CC2D2B: variants seen among roughly 807,000 people sequenced by gnomAD.
CC2D2B encodes coiled-coil and C2 domain containing 2B, also known as protein CC2D2B.
A neutral mutation model predicts 161.2 loss-of-function variants in CC2D2B; 128 were observed. The observed-to-expected ratio is 0.79, with a 90% CI of 0.69 to 0.92. The LOEUF is 0.92. Among genes scored for constraint, CC2D2B ranks in the 40% least tolerant of loss-of-function variants. CC2D2B has a pLI of 0.00. For synonymous variants in CC2D2B, 391 were observed against 449.8 expected, an observed-to-expected ratio of 0.87 and a Z score of 1.65; for missense variants, 1,173 against 1,375.1, an observed-to-expected ratio of 0.85 and a Z score of 2.32.
At chr10:95,918,278 T>G (rs2098520320) in intron 2 of CC2D2B, among the ~76,000 whole-genome samples, 1 of 152,232 alleles carries the variant, frequency 6.6e-6, no homozygotes. Flanking sequence ...GAAGTCCCTT[T>G]AACATTTCTT....
Position 96,017,366 on chromosome 10 carries a change from T to A in CC2D2B, c.3630+1052T>A, listed in dbSNP as rs2079249528. Among the ~76,000 whole-genome samples the A allele has an allele frequency of 4.6e-5, 7 of 152,326 alleles. No individual in the cohort carries two copies. In the South Asian group the frequency reaches 1.4e-3, roughly 32 times the overall value. The stretch of plus-strand genomic sequence containing the variant: ...TTAATAGAAGTTCATTCCCTCTATA[T>A]GATCTCCTGCCGTAGTTGTAAGTGC... On this transcript the variant is annotated intron_variant, in intron 30 of 34. Transcript: ENST00000646931.
chr10:96,030,768 G>A (rs931914776), intron 34 of CC2D2B, among the ~76,000 whole-genome samples: 1 of 152,104 alleles, frequency 6.6e-6, no homozygotes, highest in African/African-American at 2.4e-5. Context: ...GTAGAATTAG[G>A]AGATAAACAG....
chr10:95,949,657 TA>T (rs199910981), intron 9 of CC2D2B, among the ~76,000 whole-genome samples: 4,982 of 99,080 alleles, frequency 0.05, 97 homozygotes, highest in Middle Eastern at 0.09. Context: ...TAGAGTATAA[TA>T]AAAAAAAAAA....
At chr10:95,936,024 A>T (rs2075808148) in intron 6 of CC2D2B, among the ~76,000 whole-genome samples, 1 of 152,330 alleles carries the variant, frequency 6.6e-6, no homozygotes, top group African/African-American at 2.4e-5. Flanking sequence ...ACTTCCCAGC[A>T]TCCCACAATT....
At chr10:95,931,134 A>C (rs1361227099) in intron 6 of CC2D2B, among the ~76,000 whole-genome samples, 1 of 152,138 alleles carries the variant, frequency 6.6e-6, no homozygotes, top group African/African-American at 2.4e-5. Context: ...GTGTCCAGGA[A>C]TTTATCCATT....
chr10:95,986,890 C>A (rs1168528027), intron 19 of CC2D2B, among the ~76,000 whole-genome samples: 1 of 152,032 alleles, frequency 6.6e-6, no homozygotes, highest in Non-Finnish European at 1.5e-5. Context: ...AGCCACAGTG[C>A]CTGGCCAGAT....
chr10:95,993,946 GTATGTGTATATATATATATATATATA>G (rs1217704854), intron 22 of CC2D2B, among the ~76,000 whole-genome samples: 54 of 28,992 alleles, frequency 1.9e-3, no homozygotes, highest in South Asian at 6.3e-3. Context: ...GTGTGTGTAT[GTATGTGTATATATATATATATATATA>G]TATATATATA....
chr10:96,025,905 C>A (rs989122045), intron 33 of CC2D2B, among the ~76,000 whole-genome samples: 3 of 152,184 alleles, frequency 2.0e-5, no homozygotes, highest in Non-Finnish European at 4.4e-5. Flanking sequence ...CACACATCTC[C>A]CCCCAGCCCC....
chr10:95,999,840 G>T, intron 24 of CC2D2B: 1 of 481,048 alleles, frequency 2.1e-6, no homozygotes, highest in South Asian at 1.8e-5. Flanking sequence ...GTCTCACAAA[G>T]GGTGCTTCTC....
At chr10:95,962,769 T>G (rs544501227) in intron 12 of CC2D2B, among the ~76,000 whole-genome samples, 2 of 151,646 alleles carry the variant, frequency 1.3e-5, no homozygotes, top group East Asian at 3.9e-4. Context: ...AGTAGTTTTT[T>G]TTTTTTTTTT....
intron 32 of CC2D2B, among the ~76,000 whole-genome samples, chr10:96,021,977 A>T (rs72823709): frequency 0.043 from 6,618 of 152,306 alleles, 207 homozygotes; most frequent in Non-Finnish European, 0.064. Context: ...AAAAGAATGC[A>T]TGGTGGCTGT....
At chr10:95,930,491 C>G (rs2098548071) in intron 6 of CC2D2B, among the ~76,000 whole-genome samples, 2 of 152,182 alleles carry the variant, frequency 1.3e-5, no homozygotes, top group South Asian at 4.1e-4. Flanking sequence ...AAAGGGAATG[C>G]TTCCAGCTTC....
At chr10:96,022,105 G>A (rs556245430) in intron 32 of CC2D2B, among the ~76,000 whole-genome samples, 4 of 152,102 alleles carry the variant, frequency 2.6e-5, no homozygotes, top group African/African-American at 9.7e-5. Context: ...ATCACTTGAG[G>A]TCTGGAGTTT....
intron 6 of CC2D2B, 54 bp from the exon 7 acceptor site, chr10:95,937,937 A>G (rs1373802269): frequency 9.5e-7 from 1 of 1,049,084 alleles, no homozygotes; most frequent in Non-Finnish European, 1.4e-6. Context: ...TTATTTGCAT[A>G]TTAATCATTG....
chr10:96,000,858 A>C (rs963390427), intron 24 of CC2D2B: 6 of 152,190 alleles, frequency 3.9e-5, no homozygotes, highest in Non-Finnish European at 8.8e-5. Flanking sequence ...CTTCTTTAAT[A>C]AATAGTGGTC....
intron 9 of CC2D2B, among the ~76,000 whole-genome samples, chr10:95,946,466 C>T (rs1004728568): frequency 3.9e-5 from 6 of 152,186 alleles, no homozygotes; most frequent in African/African-American, 1.4e-4. Flanking sequence ...AGCTTAGGAA[C>T]TTTAATTTTC....
chr10:95,910,481 A>T (rs963379344), intron 1 of CC2D2B, among the ~76,000 whole-genome samples: 4 of 152,166 alleles, frequency 2.6e-5, no homozygotes, highest in Non-Finnish European at 5.9e-5. Flanking sequence ...GGTCCTAGAC[A>T]GACTCTTTTA....
intron 6 of CC2D2B, among the ~76,000 whole-genome samples, chr10:95,929,052 C>G (rs529275736): frequency 6.6e-6 from 1 of 152,300 alleles, no homozygotes; most frequent in South Asian, 2.1e-4. Context: ...CCCATCCTCT[C>G]CAGCATCCAT....
chr10:95,959,571 A>T (rs2076693555), intron 11 of CC2D2B, among the ~76,000 whole-genome samples: 1 of 152,182 alleles, frequency 6.6e-6, no homozygotes, highest in African/African-American at 2.4e-5. Flanking sequence ...TTGCAACTGA[A>T]TTTCACTCAT....
Sources: gnomAD v4.1 joint callset for allele counts (sites outside exome capture counted in the v4.1 genomes callset) on GRCh38, gnomAD v4.1.1 for gene constraint, MANE v1.5 for transcripts, NCBI Gene and HGNC (gene_info 2026-07-23, HGNC 2026-07-21) for gene names.